Variants in RPS6KC1 observed in about 807,000 individuals in gnomAD.
RPS6KC1 encodes the protein inactive ribosomal protein S6 kinase delta-1.
In RPS6KC1, 54 loss-of-function variants were observed where a neutral mutation model predicts 103.8. The observed-to-expected ratio is 0.52, with a 90% CI of 0.42 to 0.65. The LOEUF is 0.65. Among genes scored for constraint, RPS6KC1 ranks in the 30% least tolerant of loss-of-function variants. RPS6KC1 has a pLI of 0.00. For synonymous variants in RPS6KC1, 439 were observed against 438.7 expected, an observed-to-expected ratio of 1.00 and a Z score of -0.01; for missense variants, 1,151 against 1,253.8, an observed-to-expected ratio of 0.92 and a Z score of 1.24.
the RPS6KC1 span, among the ~76,000 whole-genome samples, chr1:213,395,987 C>G: frequency 6.6e-6 from 1 of 152,034 alleles, no homozygotes; most frequent in East Asian, 1.9e-4. Context: ...ATTCGGGATT[C>G]GATAGAGGGC....
chr1:213,436,200 G>A, the RPS6KC1 span, among the ~76,000 whole-genome samples: 1 of 152,148 alleles, frequency 6.6e-6, no homozygotes, highest in African/African-American at 2.4e-5. Flanking sequence ...GAATTATTTT[G>A]TAAGTGAAAT....
At chr1:213,419,041 A>G in the RPS6KC1 span, among the ~76,000 whole-genome samples, 1 of 152,156 alleles carries the variant, frequency 6.6e-6, no homozygotes, top group East Asian at 1.9e-4. Context: ...ATTCTCTGGA[A>G]CTTTCTCTCT....
the RPS6KC1 span, among the ~76,000 whole-genome samples, chr1:213,465,943 TC>T: frequency 2.0e-5 from 3 of 152,116 alleles, no homozygotes; most frequent in African/African-American, 7.2e-5. Context: ...TTAGAGACCA[TC>T]CTTGCTCTTC....
intron 3 of RPS6KC1, among the ~76,000 whole-genome samples, chr1:213,095,445 C>T (rs1037744828): frequency 3.3e-5 from 5 of 152,076 alleles, no homozygotes; most frequent in African/African-American, 1.2e-4. Context: ...ATAAAAACAA[C>T]ATAGGGAAGA....
chr1:213,811,132 T>C, the RPS6KC1 span, among the ~76,000 whole-genome samples: 1 of 152,224 alleles, frequency 6.6e-6, no homozygotes, highest in African/African-American at 2.4e-5. Context: ...CTGGCAATCT[T>C]GAGCATGTTA....
rs777108160 is a variant in RPS6KC1 at position 213,129,787 on chromosome 1, G to A, written c.733G>A (p.Glu245Lys). The change falls in exon 6 of 15, where the codon GAA becomes AAA. Residue 245 changes from glutamate (E) to lysine (K), a missense_variant. Physicochemically the swap from Glu to Lys is moderately conservative, Grantham distance 56. Coordinates refer to ENST00000366960, the MANE Select transcript of RPS6KC1 (RefSeq NM_012424.6). ...GAGAGATTATTTGGAGAAAGCAGGAGAATTAATAAAGCTGGCTTTAAAAAA... is the reference window on the plus strand; with the variant it reads ...GAGAGATTATTTGGAGAAAGCAGGAAAATTAATAAAGCTGGCTTTAAAAAA... ...GKRDYLEKAG[E>K]LIKLALKKEE... 6.2e-7 allele frequency: 1 copy of A among 1,613,892 alleles called. No homozygotes were observed. Among genetic ancestry groups the A allele is most frequent in the Non-Finnish European group, 8.5e-7 (1 of 1,179,974 alleles).
At chr1:213,325,297 TG>T in the RPS6KC1 span, among the ~76,000 whole-genome samples, 1 of 152,222 alleles carries the variant, frequency 6.6e-6, no homozygotes, top group East Asian at 1.9e-4. Context: ...GTGTCTTGAT[TG>T]GATTGGCCAA....
chr1:213,862,340 C>T, the RPS6KC1 span, among the ~76,000 whole-genome samples: 1 of 152,184 alleles, frequency 6.6e-6, no homozygotes, highest in African/African-American at 2.4e-5. Context: ...ACCTTCCTCT[C>T]TGCCGATGGT....
At chr1:213,828,702 A>T in the RPS6KC1 span, among the ~76,000 whole-genome samples, 1 of 152,186 alleles carries the variant, frequency 6.6e-6, no homozygotes, top group Non-Finnish European at 1.5e-5. Context: ...TCACACTGGG[A>T]TAGTAAAACT....
At chr1:213,515,587 A>T in the RPS6KC1 span, among the ~76,000 whole-genome samples, 1 of 152,188 alleles carries the variant, frequency 6.6e-6, no homozygotes, top group South Asian at 2.1e-4. Context: ...CCATTGATCT[A>T]TATCTCTGTT....
At chr1:213,363,739 TCTCTTCTTTCTCTTTCTCTC>T in the RPS6KC1 span, among the ~76,000 whole-genome samples, 23 of 128,632 alleles carry the variant, frequency 1.8e-4, 2 homozygotes, top group East Asian at 8.3e-4. Context: ...TCTTTCTTTC[TCTCTTCTTTCTCTTTCTCTC>T]TTCTTTCTTT....
intron 6 of RPS6KC1, among the ~76,000 whole-genome samples, chr1:213,134,426 A>T (rs2086026404): frequency 6.6e-6 from 1 of 150,958 alleles, no homozygotes; most frequent in Admixed American, 6.6e-5. Flanking sequence ...GTATTTCTGG[A>T]TATTGTTGAT....
At chr1:213,393,300 C>G in the RPS6KC1 span, among the ~76,000 whole-genome samples, 1 of 152,148 alleles carries the variant, frequency 6.6e-6, no homozygotes, top group Non-Finnish European at 1.5e-5. Flanking sequence ...TCTTGGGATC[C>G]AAAAACAGTT....
the RPS6KC1 span, among the ~76,000 whole-genome samples, chr1:213,582,988 A>G: frequency 2.0e-5 from 3 of 152,154 alleles, no homozygotes; most frequent in Non-Finnish European, 2.9e-5. Flanking sequence ...CTTTTTCTAG[A>G]ATTCATTTAA....
chr1:213,297,386 G>A, the RPS6KC1 span, among the ~76,000 whole-genome samples: 6 of 152,148 alleles, frequency 3.9e-5, no homozygotes, highest in Non-Finnish European at 5.9e-5. Flanking sequence ...TGTGTGAACC[G>A]TGGCCTAGTC....
intron 12 of RPS6KC1, among the ~76,000 whole-genome samples, chr1:213,258,728 A>G (rs2094710512): frequency 6.6e-6 from 1 of 152,246 alleles, no homozygotes; most frequent in South Asian, 2.1e-4. Flanking sequence ...GGAAATGTAC[A>G]AAAGGTTATA....
the RPS6KC1 span, among the ~76,000 whole-genome samples, chr1:213,327,801 C>G: frequency 4.6e-5 from 7 of 152,200 alleles, no homozygotes; most frequent in Non-Finnish European, 1.0e-4. Flanking sequence ...TTTGTTCTGA[C>G]ATTTCTCTAT....
the RPS6KC1 span, among the ~76,000 whole-genome samples, chr1:213,455,995 C>T: frequency 6.6e-6 from 1 of 152,130 alleles, no homozygotes; most frequent in African/African-American, 2.4e-5. Context: ...CAGTGCTTCT[C>T]TTTAGATTTT....
In RPS6KC1 at chr1:213,261,650, G is replaced by A. The variant is rs1306506343; in HGVS notation, c.2994+10G>A. The A allele has an allele frequency of 6.2e-7, 1 of 1,608,338 alleles. No individual in the cohort carries two copies. Among genetic ancestry groups the A allele is most frequent in the Non-Finnish European group, 8.5e-7 (1 of 1,175,092 alleles). ...ACTTCTCACTGGCAAGGTAAGCAGT[G>A]GCCTGGACGTTTAATAAATTTACTC... On this transcript the variant is annotated intron_variant, in intron 13 of 14. Transcript: ENST00000366960.
Sources: gnomAD v4.1 joint callset for allele counts (sites outside exome capture counted in the v4.1 genomes callset) on GRCh38, gnomAD v4.1.1 for gene constraint, MANE v1.5 for transcripts, NCBI Gene and HGNC (gene_info 2026-07-23, HGNC 2026-07-21) for gene names.